LRRTM4: variants seen among roughly 807,000 people sequenced by gnomAD.
LRRTM4 encodes the protein leucine rich repeat transmembrane neuronal 4.
LRRTM4 carries 25 observed loss-of-function variants against 47.6 expected under a neutral mutation model. The observed-to-expected ratio is 0.53, with a 90% confidence interval of 0.38 to 0.73. The LOEUF (loss-of-function observed/expected upper bound fraction) is 0.73, where lower values mean the gene tolerates loss of function less well. Among genes scored for constraint, LRRTM4 ranks in the 30% least tolerant of loss-of-function variants. The pLI is 0.00. For missense variants in LRRTM4, 638 were observed against 713.4 expected, an observed-to-expected ratio of 0.89 and a Z score of 1.20; for synonymous variants, 311 against 269.5, an observed-to-expected ratio of 1.15 and a Z score of -1.51.
intron 3 of LRRTM4, among the ~76,000 whole-genome samples, chr2:77,025,750 C>A (rs1393155247): frequency 6.6e-6 from 1 of 152,124 alleles, no homozygotes; most frequent in Non-Finnish European, 1.5e-5. Flanking sequence ...TATTATGAAT[C>A]TTTAGCCACA....
At chr2:77,457,431 C>T (rs761078887) in intron 3 of LRRTM4, among the ~76,000 whole-genome samples, 3 of 151,936 alleles carry the variant, frequency 2.0e-5, no homozygotes, top group Non-Finnish European at 4.4e-5. Flanking sequence ...CACCTCTAAC[C>T]CCATTACTTT....
intron 3 of LRRTM4, among the ~76,000 whole-genome samples, chr2:77,277,706 A>T (rs544830027): frequency 6.6e-6 from 1 of 152,132 alleles, no homozygotes; most frequent in East Asian, 1.9e-4. Flanking sequence ...TTCTTAAATG[A>T]CAAATGAATT....
At chr2:76,871,308 T>C (rs1440496302) in intron 3 of LRRTM4, among the ~76,000 whole-genome samples, 7 of 152,168 alleles carry the variant, frequency 4.6e-5, no homozygotes, top group Non-Finnish European at 1.0e-4. Context: ...TTCAATCTTC[T>C]GATATTACAG....
intron 3 of LRRTM4, among the ~76,000 whole-genome samples, chr2:77,480,464 A>G (rs2104015175): frequency 6.6e-6 from 1 of 152,284 alleles, no homozygotes; most frequent in African/African-American, 2.4e-5. Flanking sequence ...AGTCCATGGA[A>G]AGTCATCAAC....
chr2:76,858,481 C>A (rs1402626055), intron 3 of LRRTM4, among the ~76,000 whole-genome samples: 2 of 152,144 alleles, frequency 1.3e-5, no homozygotes, highest in Admixed American at 6.6e-5. Flanking sequence ...ATAACATCAG[C>A]TCTCCTAGGT....
intron 3 of LRRTM4, among the ~76,000 whole-genome samples, chr2:77,107,228 G>A (rs968062219): frequency 6.7e-6 from 1 of 149,562 alleles, no homozygotes; most frequent in African/African-American, 2.5e-5. Context: ...ACATAATGTA[G>A]CAACATTAAA....
At position 77,297,553 on chromosome 2, in the gene LRRTM4, T is replaced by C. The variant is rs74680465; in HGVS notation, c.1551+220765A>G. Among the ~76,000 whole-genome samples, 1,320 of 152,292 alleles carry C rather than the reference T, an allele frequency of 8.7e-3. 15 individuals carry two copies. The highest frequency in any genetic ancestry group is 0.03 in the African/African-American group (1,267 of 41,566). The stretch of plus-strand genomic sequence containing the variant: ...GCGTGAGCTAGCCAATGTTTTCTTC[T>C]TTATTTCTATGCCTTTGGACCCAGG... On this transcript the variant is annotated intron_variant, in intron 3 of 3. Transcript: ENST00000409884.
At chr2:77,315,223 T>C (rs1054904424) in intron 3 of LRRTM4, among the ~76,000 whole-genome samples, 3 of 152,200 alleles carry the variant, frequency 2.0e-5, no homozygotes, top group Admixed American at 6.5e-5. Flanking sequence ...CATTTATGAC[T>C]AGGTTGACAC....
chr2:77,087,002 C>T (rs1265510102), intron 3 of LRRTM4, among the ~76,000 whole-genome samples: 5 of 152,064 alleles, frequency 3.3e-5, no homozygotes, highest in African/African-American at 1.2e-4. Flanking sequence ...TGTAGCTGAG[C>T]TCCCAGCGTA....
chr2:77,224,155 A>C (rs943733669), intron 3 of LRRTM4, among the ~76,000 whole-genome samples: 3 of 151,718 alleles, frequency 2.0e-5, no homozygotes, highest in African/African-American at 7.3e-5. Context: ...CTGGCTAGCC[A>C]TATGTAGAAA....
intron 3 of LRRTM4, among the ~76,000 whole-genome samples, chr2:77,312,367 C>T (rs557830606): frequency 2.1e-4 from 32 of 152,154 alleles, no homozygotes; most frequent in Middle Eastern, 6.8e-3. Flanking sequence ...GTTGTATCAA[C>T]GAGGTACCAC....
At chr2:77,123,849 C>T (rs1047947618) in intron 3 of LRRTM4, among the ~76,000 whole-genome samples, 4 of 152,052 alleles carry the variant, frequency 2.6e-5, no homozygotes, top group African/African-American at 9.7e-5. Flanking sequence ...TTGGCCTTGA[C>T]AGTAAGTGAC....
chr2:76,842,342 G>T (rs554600719), intron 3 of LRRTM4, among the ~76,000 whole-genome samples: 17 of 152,064 alleles, frequency 1.1e-4, no homozygotes, highest in South Asian at 2.1e-4. Context: ...ACAGATAGTG[G>T]AAATTATCCT....
intron 3 of LRRTM4, among the ~76,000 whole-genome samples, chr2:76,776,158 T>A (rs1027861229): frequency 2.0e-5 from 3 of 152,224 alleles, no homozygotes; most frequent in African/African-American, 7.2e-5. Flanking sequence ...AGTCTATCAT[T>A]GTTGGACATT....
intron 3 of LRRTM4, among the ~76,000 whole-genome samples, chr2:77,500,079 C>G (rs1678514465): frequency 1.3e-5 from 2 of 151,696 alleles, no homozygotes; most frequent in Non-Finnish European, 1.5e-5. Context: ...TTGAGTATAG[C>G]TGCCGGGCCA....
At chr2:76,885,143 G>T (rs1026665837) in intron 3 of LRRTM4, among the ~76,000 whole-genome samples, 1 of 151,532 alleles carries the variant, frequency 6.6e-6, no homozygotes, top group African/African-American at 2.4e-5. Flanking sequence ...CTCTCATATA[G>T]TATTTTTACT....
At chr2:77,510,944 A>G (rs1471886076) in intron 3 of LRRTM4, among the ~76,000 whole-genome samples, 2 of 152,084 alleles carry the variant, frequency 1.3e-5, no homozygotes, top group Non-Finnish European at 2.9e-5. Context: ...CTTCCACTAG[A>G]AGAATTTGTG....
At chr2:77,422,587 A>T (rs772182859) in intron 3 of LRRTM4, among the ~76,000 whole-genome samples, 1 of 152,212 alleles carries the variant, frequency 6.6e-6, no homozygotes, top group Non-Finnish European at 1.5e-5. Context: ...AGCAGAAAAC[A>T]ATTTATGAAA....
chr2:77,250,236 T>C (rs553351984), intron 3 of LRRTM4, among the ~76,000 whole-genome samples: 1 of 152,254 alleles, frequency 6.6e-6, no homozygotes, highest in African/African-American at 2.4e-5. Context: ...CATAATAAAT[T>C]TGCTAAAATT....
Sources: gnomAD v4.1 joint callset for allele counts (sites outside exome capture counted in the v4.1 genomes callset) on GRCh38, gnomAD v4.1.1 for gene constraint, MANE v1.5 for transcripts, NCBI Gene and HGNC (gene_info 2026-07-23, HGNC 2026-07-21) for gene names.